The following WDR7 variants were observed in gnomAD, a reference collection of about 807,000 sequenced individuals.
The protein encoded by WDR7 is WD repeat-containing protein 7.
WDR7 carries 46 observed loss-of-function variants against 169.4 expected under a neutral mutation model. The ratio of observed to expected loss-of-function variants is 0.27; its 90% CI spans 0.21 to 0.35. The LOEUF is 0.35. Among genes scored for constraint, WDR7 ranks in the 10% least tolerant of loss-of-function variants. The pLI, the probability that WDR7 is intolerant of heterozygous loss-of-function variation, is 1.00. For missense variants in WDR7, 1,534 were observed against 1,859.3 expected (o/e 0.83, Z 3.22); for synonymous variants, 612 against 666.8 (o/e 0.92, Z 1.27).
chr18:56,809,046 C>T (rs777602848), intron 19 of WDR7, among the ~76,000 whole-genome samples: 1 of 152,038 alleles, frequency 6.6e-6, no homozygotes, highest in Non-Finnish European at 1.5e-5. Flanking sequence ...TCCAGACTTA[C>T]TCATACCAGC....
chr18:56,765,597 A>G (rs901111972), intron 16 of WDR7, among the ~76,000 whole-genome samples: 5 of 152,058 alleles, frequency 3.3e-5, no homozygotes, highest in Non-Finnish European at 7.4e-5. Flanking sequence ...TAAACCTCAC[A>G]AATTATTCTT....
At chr18:56,985,042 TA>T (rs753577624) in intron 26 of WDR7, among the ~76,000 whole-genome samples, 8 of 152,192 alleles carry the variant, frequency 5.3e-5, no homozygotes, top group Non-Finnish European at 7.3e-5. Flanking sequence ...ACACTCATAA[TA>T]AAACATACTA....
At chr18:56,718,414 A>G (rs529430415) in intron 13 of WDR7, among the ~76,000 whole-genome samples, 1 of 152,316 alleles carries the variant, frequency 6.6e-6, no homozygotes, top group East Asian at 1.9e-4. Context: ...CAAAGTATAT[A>G]TGTTTTCTAT....
In WDR7 at chr18:56,780,724, C is replaced by T. The variant is rs538554146; in HGVS notation, c.3067-809C>T. On this transcript the variant is annotated intron_variant, in intron 18 of 27. Transcript: ENST00000254442. Reference sequence around the variant, plus strand: ...CTGAGGCCCAAGTATTACTGGAGCCCGGGAGGTGGAAGTTGCAGTGAGCCG... The same window carrying T: ...CTGAGGCCCAAGTATTACTGGAGCCTGGGAGGTGGAAGTTGCAGTGAGCCG... Among the ~76,000 whole-genome samples, 17 of 152,190 alleles carry T rather than the reference C, an allele frequency of 1.1e-4. No individual in the cohort carries two copies. In the South Asian group the frequency reaches 3.3e-3, roughly 30 times the overall value.
Position 56,757,216 on chromosome 18 carries a change from G to A in WDR7, c.2623G>A (p.Val875Ile). The change falls in exon 15 of 28, where the codon GTA (valine) becomes ATA (isoleucine). Residue 875 changes from valine (V) to isoleucine (I), a missense_variant. Val to Ile is a conservative substitution (Grantham distance 29). Coordinates refer to ENST00000254442, the MANE Select transcript of WDR7 (RefSeq NM_015285.3). ...VGRKLPASEG[V>I]GKGTYGVSRA... ...AAGGAAGCTGCCAGCGTCTGAGGGA[G>A]TAGGAAAGGGAACTTACGGAGTGTC... The A allele has an allele frequency of 6.2e-7, 1 of 1,613,988 alleles. No homozygotes were observed. The highest frequency in any genetic ancestry group is 2.2e-5 in the East Asian group (1 of 44,898).
rs1331344734 is a variant in WDR7, at chr18:56,824,228, A to C, written c.3304+8084A>C. On this transcript the variant is annotated intron_variant, in intron 20 of 27. Coordinates refer to ENST00000254442, the MANE Select transcript of WDR7 (RefSeq NM_015285.3). Reference sequence around the variant, plus strand: ...GATGAAATTCCAAGAATTCCCCTCAAATTCAGCTTGAGTGTCGTCATCTTC... The same window carrying C: ...GATGAAATTCCAAGAATTCCCCTCACATTCAGCTTGAGTGTCGTCATCTTC... Among the ~76,000 whole-genome samples, 4 of 152,132 alleles carry C rather than the reference A, an allele frequency of 2.6e-5. 1 individual carries two copies. Among genetic ancestry groups the C allele is most frequent in the Admixed American group, 2.0e-4 (3 of 15,276 alleles).
chr18:56,807,395 A>G (rs1332027991), intron 19 of WDR7, among the ~76,000 whole-genome samples: 1 of 152,138 alleles, frequency 6.6e-6, no homozygotes, highest in African/African-American at 2.4e-5. Flanking sequence ...TTTGAAACCA[A>G]AATTGGTGTT....
chr18:56,813,426 A>G (rs1418791629), intron 19 of WDR7, among the ~76,000 whole-genome samples: 1 of 151,792 alleles, frequency 6.6e-6, no homozygotes, highest in Non-Finnish European at 1.5e-5. Flanking sequence ...GATGCTGTTT[A>G]TCAAGTTCCT....
intron 26 of WDR7, among the ~76,000 whole-genome samples, chr18:56,966,438 C>T (rs1344913175): frequency 6.6e-6 from 1 of 151,932 alleles, no homozygotes; most frequent in Admixed American, 6.6e-5. Context: ...GACCCATTTC[C>T]ACTTGATGAA....
intron 16 of WDR7, among the ~76,000 whole-genome samples, chr18:56,763,720 T>G (rs1268404400): frequency 7.9e-5 from 12 of 152,194 alleles, no homozygotes; most frequent in Admixed American, 7.9e-4. Flanking sequence ...CCAGGGGTTT[T>G]CTTTATGGGA....
At chr18:56,713,285 T>C (rs2026122836) in intron 12 of WDR7, among the ~76,000 whole-genome samples, 1 of 152,222 alleles carries the variant, frequency 6.6e-6, no homozygotes, top group Admixed American at 6.5e-5. Context: ...ACATGAGATA[T>C]TGGCTAATGT....
chr18:56,953,747 A>C (rs914557860), intron 25 of WDR7, among the ~76,000 whole-genome samples: 1 of 152,222 alleles, frequency 6.6e-6, no homozygotes, highest in African/African-American at 2.4e-5. Context: ...AGGAAAGGAG[A>C]ACTGGTAGTA....
intron 12 of WDR7, among the ~76,000 whole-genome samples, chr18:56,701,574 A>G (rs1237084969): frequency 2.0e-5 from 3 of 152,198 alleles, no homozygotes; most frequent in East Asian, 1.9e-4. Flanking sequence ...ATAGGATTCA[A>G]ATTTAAACTC....
the WDR7 span, chr18:57,035,250 A>G: frequency 6.6e-6 from 1 of 152,296 alleles, no homozygotes; most frequent in African/African-American, 2.4e-5. Context: ...CCTCACCAAC[A>G]TGTACCCAAC....
rs1341304101 is a variant in WDR7, at chr18:57,029,536, A to T, written c.*2329A>T. On this transcript the variant is annotated 3_prime_UTR_variant, in exon 28 of 28. Transcript: ENST00000254442. ...TCCCAGCGTACACCTTTAATGTTTT[A>T]TTGATTTCACTGGCACTGTATTTGG... 1 of 152,088 alleles carries T rather than the reference A, an allele frequency of 6.6e-6. No individual in the cohort carries two copies. The highest frequency in any genetic ancestry group is 1.5e-5 in the Non-Finnish European group (1 of 68,030). The allele number at this position is 152,088 out of a possible 1,614,324, so 9.4% of individuals were successfully genotyped here. A position where few individuals can be genotyped will look rare whatever the true frequency, so the allele number is the denominator to read the frequency against.
intron 22 of WDR7, among the ~76,000 whole-genome samples, chr18:56,932,007 G>A (rs769401569): frequency 2.6e-5 from 4 of 152,158 alleles, no homozygotes; most frequent in Non-Finnish European, 2.9e-5. Flanking sequence ...CTACTTTTAA[G>A]TAGGGCAACC....
chr18:56,658,135 G>C (rs570534915), intron 1 of WDR7, among the ~76,000 whole-genome samples: 10 of 152,110 alleles, frequency 6.6e-5, no homozygotes, highest in Non-Finnish European at 1.3e-4. Flanking sequence ...ACAGAATCTC[G>C]CTCTGTCGCC....
chr18:56,695,712 T>C lies in WDR7; in HGVS notation c.1357+514T>C, dbSNP rs188469361. Among the ~76,000 whole-genome samples the C allele has an allele frequency of 1.5e-3, 223 of 152,190 alleles. 1 individual carries two copies. Among genetic ancestry groups the C allele is most frequent in the African/African-American group, 5.2e-3 (215 of 41,510 alleles). On this transcript the variant is annotated intron_variant, in intron 11 of 27. Coordinates refer to ENST00000254442, the MANE Select transcript of WDR7 (RefSeq NM_015285.3). ...CCACCACACCCAGCTAATTTTTGTA[T>C]TTTTTGTAGGGACAGTTTCACCATG...
chr18:56,962,319 A>C (rs2047348945), intron 25 of WDR7, 111 bp from the exon 26 acceptor site: 1 of 608,034 alleles, frequency 1.6e-6, no homozygotes, highest in South Asian at 2.8e-5. Context: ...TTATTTCAAA[A>C]TATATATCAG....
Sources: gnomAD v4.1 joint callset for allele counts (sites outside exome capture counted in the v4.1 genomes callset) on GRCh38, gnomAD v4.1.1 for gene constraint, MANE v1.5 for transcripts, NCBI Gene and HGNC (gene_info 2026-07-23, HGNC 2026-07-21) for gene names.